Variants in PUM2 observed in about 807,000 individuals in gnomAD.
The protein encoded by PUM2 is pumilio RNA binding family member 2.
PUM2 carries 57 observed loss-of-function variants against 124.5 expected under a neutral mutation model. That is an observed-to-expected ratio of 0.46 (90% confidence interval 0.37 to 0.57). The LOEUF (loss-of-function observed/expected upper bound fraction) is 0.57, where lower values mean the gene tolerates loss of function less well. Among genes scored for constraint, PUM2 ranks in the 20% least tolerant of loss-of-function variants. The pLI is 0.00. For synonymous variants in PUM2, 460 were observed against 446.1 expected, an observed-to-expected ratio of 1.03 and a Z score of -0.39; for missense variants, 1,065 against 1,290.6, an observed-to-expected ratio of 0.83 and a Z score of 2.68.
At position 20,345,362 on chromosome 2, in the gene PUM2, A is replaced by C. The variant is rs144960998; in HGVS notation, c.-19+5235T>G. The stretch of plus-strand genomic sequence containing the variant: ...TGGACTCAAGTGATCGTCCCGCCTC[A>C]GTCTCCCAAAGTGTTGAGATTACAG... On this transcript the variant is annotated intron_variant, in intron 1 of 20. Coordinates refer to ENST00000361078, the MANE Select transcript of PUM2 (RefSeq NM_015317.5). Among the ~76,000 whole-genome samples, 287 of 152,204 alleles carry C rather than the reference A, an allele frequency of 1.9e-3. 1 individual carries two copies. The highest frequency in any genetic ancestry group is 6.8e-3 in the Middle Eastern group (2 of 294).
intron 13 of PUM2, among the ~76,000 whole-genome samples, chr2:20,264,399 TGACA>T: frequency 1.8e-5 from 2 of 108,240 alleles, no homozygotes; most frequent in African/African-American, 6.9e-5. Flanking sequence ...TATATATATT[TGACA>T]TAAATCCACT....
chr2:20,351,047 C>T (rs1056049046), upstream of PUM2, among the ~76,000 whole-genome samples: 1 of 152,214 alleles, frequency 6.6e-6, no homozygotes, highest in Non-Finnish European at 1.5e-5. Context: ...CCGCCCTCAC[C>T]TTGCGGGCTC....
intron 3 of PUM2, among the ~76,000 whole-genome samples, chr2:20,315,920 CTG>C (rs1415889612): frequency 1.4e-5 from 2 of 146,794 alleles, no homozygotes; most frequent in Non-Finnish European, 3.0e-5. Flanking sequence ...GGTAAATAAA[CTG>C]TGCATTCAAC....
chr2:20,328,342 C>CA (rs896816444), intron 1 of PUM2, among the ~76,000 whole-genome samples: 13 of 151,574 alleles, frequency 8.6e-5, no homozygotes, highest in Admixed American at 5.3e-4. Context: ...AACAAACAAA[C>CA]AAAAAAAACA....
chr2:20,270,549 T>C (rs201180664), intron 13 of PUM2, among the ~76,000 whole-genome samples: 7 of 81,226 alleles, frequency 8.6e-5, no homozygotes, highest in Middle Eastern at 7.6e-3. Context: ...AAAAAACAAA[T>C]AAACACACAC....
At chr2:20,276,833 A>C (rs1054640359) in intron 13 of PUM2, among the ~76,000 whole-genome samples, 2 of 152,096 alleles carry the variant, frequency 1.3e-5, no homozygotes, top group East Asian at 1.9e-4. Context: ...TGCTAATTCC[A>C]ATCAGAGGTG....
At chr2:20,322,205 A>G (rs1486118852) in intron 2 of PUM2, among the ~76,000 whole-genome samples, 1 of 152,184 alleles carries the variant, frequency 6.6e-6, no homozygotes, top group Non-Finnish European at 1.5e-5. Flanking sequence ...TGCCATGAGA[A>G]GATATAGATC....
In PUM2 at chr2:20,282,938, C is replaced by T. The variant is rs528447411; in HGVS notation, c.1720+9G>A. The T allele has an allele frequency of 7.9e-5, 127 of 1,611,274 alleles. 2 individuals are homozygous for T. The Middle Eastern group carries it at 8.1e-3, about 103-fold the overall frequency. ...TAGCAGAGTACACTCATCGTAAAAA[C>T]AAACTTACCTGATGAACCAAATCCA... On this transcript the variant is annotated intron_variant, in intron 12 of 20. Coordinates refer to ENST00000361078, the MANE Select transcript of PUM2 (RefSeq NM_015317.5).
intron 14 of PUM2, among the ~76,000 whole-genome samples, chr2:20,262,025 G>GC (rs1666417917): frequency 6.6e-6 from 1 of 152,160 alleles, no homozygotes; most frequent in Non-Finnish European, 1.5e-5. Flanking sequence ...AGCCCAGGAG[G>GC]TTGAGGTTGC....
chr2:20,307,571 A>G (rs1389977147), intron 7 of PUM2, among the ~76,000 whole-genome samples: 2 of 152,176 alleles, frequency 1.3e-5, no homozygotes, highest in South Asian at 2.1e-4. Context: ...AGTACAGACA[A>G]CATCATGTAC....
chr2:20,256,890 A>C (rs1319836187), intron 16 of PUM2, among the ~76,000 whole-genome samples: 1 of 151,898 alleles, frequency 6.6e-6, no homozygotes, highest in Non-Finnish European at 1.5e-5. Context: ...CAAAAATACA[A>C]AAAACTAGCC....
intron 1 of PUM2, among the ~76,000 whole-genome samples, chr2:20,346,331 T>C (rs1316721179): frequency 2.0e-5 from 3 of 152,192 alleles, no homozygotes; most frequent in Non-Finnish European, 4.4e-5. Context: ...AAAAATGACA[T>C]GGTCAAGAAA....
At chr2:20,275,631 C>A (rs1376212818) in intron 13 of PUM2, among the ~76,000 whole-genome samples, 1 of 152,064 alleles carries the variant, frequency 6.6e-6, no homozygotes, top group Non-Finnish European at 1.5e-5. Flanking sequence ...CGATACAGTG[C>A]AACAAAAACT....
chr2:20,265,187 G>C (rs1335236859), intron 13 of PUM2, among the ~76,000 whole-genome samples: 2 of 151,792 alleles, frequency 1.3e-5, no homozygotes, highest in Admixed American at 6.6e-5. Context: ...GGGATACGGA[G>C]GTTGCAGTGA....
intron 12 of PUM2, 142 bp from the exon 13 acceptor site, chr2:20,278,961 C>T (rs765638961): frequency 1.5e-6 from 1 of 645,342 alleles, no homozygotes; most frequent in South Asian, 2.0e-5. Flanking sequence ...ACTGTGATAA[C>T]TATATATACT....
chr2:20,312,593 TC>T (rs1378209287), intron 3 of PUM2, among the ~76,000 whole-genome samples, 170 bp from the exon 4 acceptor site: 1 of 152,140 alleles, frequency 6.6e-6, no homozygotes, highest in Non-Finnish European at 1.5e-5. Flanking sequence ...GGAAGAACAT[TC>T]CATGCTCATA....
intron 10 of PUM2, among the ~76,000 whole-genome samples, chr2:20,288,588 G>A (rs1050122085): frequency 2.0e-5 from 3 of 151,966 alleles, no homozygotes; most frequent in Non-Finnish European, 2.9e-5. Flanking sequence ...GATTCAAGAC[G>A]GAAAAACAAT....
upstream of PUM2, chr2:20,352,182 T>C (rs1191768071): frequency 6.6e-6 from 1 of 152,234 alleles, no homozygotes; most frequent in Non-Finnish European, 1.5e-5. Context: ...TCGCAGATTT[T>C]TACTTCCCAA....
chr2:20,303,350 A>G (rs771666570), intron 7 of PUM2, among the ~76,000 whole-genome samples: 82 of 151,852 alleles, frequency 5.4e-4, no homozygotes, highest in Non-Finnish European at 1.1e-3. Context: ...GGCTGCAATT[A>G]GCCATAGGCC....
Sources: gnomAD v4.1 joint callset for allele counts (sites outside exome capture counted in the v4.1 genomes callset) on GRCh38, gnomAD v4.1.1 for gene constraint, MANE v1.5 for transcripts, NCBI Gene and HGNC (gene_info 2026-07-23, HGNC 2026-07-21) for gene names.